Variants in PCDH7 observed in about 807,000 individuals in gnomAD.
PCDH7 encodes protocadherin 7, also known as protocadherin-7.
PCDH7 carries 17 observed loss-of-function variants against 58.9 expected under a neutral mutation model. That is an observed-to-expected ratio of 0.29 (90% CI 0.20 to 0.43). The LOEUF (loss-of-function observed/expected upper bound fraction) is 0.43, where lower values mean the gene tolerates loss of function less well. Ranked by LOEUF, PCDH7 falls within the 20% of genes least tolerant of loss-of-function variation. The pLI is 1.00. For missense variants in PCDH7, 1,274 were observed against 1,441.0 expected, an observed-to-expected ratio of 0.88 and a Z score of 1.88; for synonymous variants, 664 against 616.4, an observed-to-expected ratio of 1.08 and a Z score of -1.14.
chr4:31,096,393 A>G (rs1713987350), intron 3 of PCDH7, among the ~76,000 whole-genome samples: 1 of 152,178 alleles, frequency 6.6e-6, no homozygotes, highest in African/African-American at 2.4e-5. Flanking sequence ...AAAATTAGGA[A>G]GCAATTGAGG....
chr4:30,968,376 CTA>C (rs60085619), intron 3 of PCDH7, among the ~76,000 whole-genome samples: 6,464 of 66,610 alleles, frequency 0.097, 245 homozygotes, highest in Non-Finnish European at 0.13. Context: ...TATACACACA[CTA>C]TATATATATA....
At chr4:31,146,508 T>A (rs1449455367), downstream of PCDH7, 1 of 152,116 alleles carries the variant, frequency 6.6e-6, no homozygotes. Context: ...TTCAGACTTT[T>A]CCTACAGTTT....
intron 3 of PCDH7, among the ~76,000 whole-genome samples, chr4:30,975,215 C>G (rs1367156600): frequency 6.8e-6 from 1 of 147,996 alleles, no homozygotes; most frequent in East Asian, 2.1e-4. Flanking sequence ...CTACCAAAAA[C>G]TTAAACCCAG....
chr4:31,065,800 C>T (rs988395226), intron 3 of PCDH7, among the ~76,000 whole-genome samples: 1 of 151,848 alleles, frequency 6.6e-6, no homozygotes, highest in African/African-American at 2.4e-5. Flanking sequence ...CTAGCTTCAT[C>T]ATAATATTAA....
chr4:30,736,736 C>T (rs1445002403), downstream of PCDH7, among the ~76,000 whole-genome samples: 1 of 151,896 alleles, frequency 6.6e-6, no homozygotes, highest in African/African-American at 2.4e-5. Flanking sequence ...CGGGGTATCA[C>T]CGTGTCAGCC....
chr4:30,733,540 C>T (rs1487668145), downstream of PCDH7, among the ~76,000 whole-genome samples: 63 of 152,156 alleles, frequency 4.1e-4, no homozygotes, highest in Non-Finnish European at 1.5e-5. Context: ...GGATCCTTCT[C>T]CCTCAGCCTC....
At chr4:30,830,752 C>T (rs1402845837) in intron 1 of PCDH7, among the ~76,000 whole-genome samples, 1 of 152,086 alleles carries the variant, frequency 6.6e-6, no homozygotes, top group Non-Finnish European at 1.5e-5. Flanking sequence ...ATGCTTTTCT[C>T]AACATGCCCA....
At chr4:30,949,190 A>G (rs560839931) in intron 2 of PCDH7, among the ~76,000 whole-genome samples, 1 of 152,284 alleles carries the variant, frequency 6.6e-6, no homozygotes. Context: ...CATAAAATAC[A>G]CATCTATTTT....
Position 31,045,716 on chromosome 4 carries a change from A to G in PCDH7, c.*7+95501A>G, listed in dbSNP as rs187268705. Among the ~76,000 whole-genome samples the G allele has an allele frequency of 6.8e-3, 1,037 of 152,120 alleles. 9 individuals are homozygous for G. The highest frequency in any genetic ancestry group is 0.01 in the Middle Eastern group (3 of 294). ...CTCTCCTGTAATTATAAAAACCAAT[A>G]CTACCCCATCTACATCCTTGCATTA... On this transcript the variant is annotated intron_variant, in intron 3 of 3. Coordinates refer to the PCDH7 transcript ENST00000509759.
intron 1 of PCDH7, among the ~76,000 whole-genome samples, chr4:30,864,432 A>AACACACACACACACACACACACAC (rs5857208): frequency 6.8e-6 from 1 of 146,570 alleles, no homozygotes; most frequent in Non-Finnish European, 1.5e-5. Context: ...ATTATTGGAG[A>AACACACACACACACACACACACAC]ACACACACAC....
At chr4:30,815,279 A>G (rs1727528442) in intron 1 of PCDH7, among the ~76,000 whole-genome samples, 1 of 152,026 alleles carries the variant, frequency 6.6e-6, no homozygotes, top group African/African-American at 2.4e-5. Flanking sequence ...CTTCAGAGGA[A>G]ATAATTAGGC....
intron 1 of PCDH7, among the ~76,000 whole-genome samples, chr4:30,868,654 C>T (rs563145131): frequency 6.6e-6 from 1 of 152,038 alleles, no homozygotes; most frequent in African/African-American, 2.4e-5. Context: ...GTAAGTGTGA[C>T]TGATGGAAGC....
intron 2 of PCDH7, among the ~76,000 whole-genome samples, chr4:30,940,800 A>G (rs1745942511): frequency 6.6e-6 from 1 of 152,036 alleles, no homozygotes; most frequent in Admixed American, 6.6e-5. Context: ...ATAAGAAGAA[A>G]TCAGCAATTT....
chr4:30,901,649 T>C (rs1740231883), intron 1 of PCDH7, among the ~76,000 whole-genome samples: 1 of 152,144 alleles, frequency 6.6e-6, no homozygotes. Flanking sequence ...ACCTTTTCCC[T>C]TACAATTGGC....
intron 3 of PCDH7, among the ~76,000 whole-genome samples, chr4:31,059,475 A>T (rs1248379703): frequency 1.3e-5 from 2 of 151,940 alleles, no homozygotes; most frequent in Non-Finnish European, 2.9e-5. Context: ...AGTCATATTT[A>T]TTCATAATCT....
At chr4:30,835,339 G>A (rs1010471962) in intron 1 of PCDH7, among the ~76,000 whole-genome samples, 10 of 152,110 alleles carry the variant, frequency 6.6e-5, no homozygotes, top group African/African-American at 2.4e-4. Flanking sequence ...CAGACGAGCG[G>A]TGGCATTAGA....
At chr4:30,976,383 G>A (rs906458893) in intron 3 of PCDH7, among the ~76,000 whole-genome samples, 2 of 142,738 alleles carry the variant, frequency 1.4e-5, no homozygotes, top group East Asian at 2.1e-4. Context: ...GAGCCACCAC[G>A]CCGGGCCATA....
At chr4:30,854,303 T>G (rs138217923) in intron 1 of PCDH7, among the ~76,000 whole-genome samples, 2 of 147,838 alleles carry the variant, frequency 1.4e-5, no homozygotes, top group South Asian at 2.2e-4. Flanking sequence ...ACATACTAGA[T>G]GCCAGTAGTA....
At chr4:30,749,549 A>G (rs1718232519) in intron 1 of PCDH7, among the ~76,000 whole-genome samples, 1 of 152,062 alleles carries the variant, frequency 6.6e-6, no homozygotes, top group African/African-American at 2.4e-5. Flanking sequence ...TTTTCTGTAG[A>G]AGAGGTTCAG....
Sources: gnomAD v4.1 joint callset for allele counts (sites outside exome capture counted in the v4.1 genomes callset) on GRCh38, gnomAD v4.1.1 for gene constraint, MANE v1.5 for transcripts, NCBI Gene and HGNC (gene_info 2026-07-23, HGNC 2026-07-21) for gene names.